Variants in PPP1R1C observed in about 807,000 individuals in gnomAD.
The protein encoded by PPP1R1C is protein phosphatase 1 regulatory inhibitor subunit 1C, also known as protein phosphatase 1 regulatory subunit 1C.
PPP1R1C carries 15 observed loss-of-function variants against 17.4 expected under a neutral mutation model. The observed-to-expected ratio is 0.86, with a 90% CI of 0.58 to 1.33. PPP1R1C has a LOEUF of 1.33. Among genes scored for constraint, PPP1R1C ranks in the 40% most tolerant of loss-of-function variants. The pLI is 0.00. For synonymous variants in PPP1R1C, 35 were observed against 43.1 expected, an observed-to-expected ratio of 0.81 and a Z score of 0.73; for missense variants, 143 against 130.0, an observed-to-expected ratio of 1.10 and a Z score of -0.48.
downstream of PPP1R1C, among the ~76,000 whole-genome samples, chr2:182,119,146 C>A (rs1689664556): frequency 6.7e-6 from 1 of 149,914 alleles, no homozygotes; most frequent in East Asian, 2.0e-4. Context: ...TGAGTGGGAA[C>A]ATGTGGTGTT....
At chr2:181,960,494 G>A (rs1159642334) in intron 1 of PPP1R1C, among the ~76,000 whole-genome samples, 1 of 152,158 alleles carries the variant, frequency 6.6e-6, no homozygotes, top group African/African-American at 2.4e-5. Flanking sequence ...ATCCAAACAG[G>A]AAAACTGGAG....
At chr2:182,087,285 G>GA (rs1688655704) in intron 4 of PPP1R1C, among the ~76,000 whole-genome samples, 1 of 152,160 alleles carries the variant, frequency 6.6e-6, no homozygotes, top group Admixed American at 6.5e-5. Flanking sequence ...TGTAGCCTGT[G>GA]ACCTGTCTGA....
chr2:182,077,211 G>A (rs1326440741), intron 4 of PPP1R1C, among the ~76,000 whole-genome samples: 1 of 149,686 alleles, frequency 6.7e-6, no homozygotes, highest in Non-Finnish European at 1.5e-5. Flanking sequence ...TGTAAACATT[G>A]CTACATTAAA....
intron 4 of PPP1R1C, among the ~76,000 whole-genome samples, chr2:182,070,136 C>A (rs1182505941): frequency 6.6e-6 from 1 of 152,130 alleles, no homozygotes; most frequent in Non-Finnish European, 1.5e-5. Flanking sequence ...GCTTACTGGA[C>A]AGGAGGGTAA....
chr2:182,082,724 A>G (rs540632407), intron 4 of PPP1R1C, among the ~76,000 whole-genome samples: 2 of 152,308 alleles, frequency 1.3e-5, no homozygotes, highest in South Asian at 4.2e-4. Flanking sequence ...TTGAAGACCT[A>G]AGTAATATTA....
At position 182,117,312 on chromosome 2, in the gene PPP1R1C, A is replaced by G. The variant is rs1343235833; in HGVS notation, c.*17A>G. The G allele has an allele frequency of 7.9e-6, 12 of 1,510,582 alleles. No homozygotes were observed. Among genetic ancestry groups the G allele is most frequent in the Non-Finnish European group, 1.8e-6 (2 of 1,118,240 alleles). The allele number at this position is 1,510,582 out of a possible 1,614,324, so 93.6% of individuals were successfully genotyped here. On this transcript the variant is annotated 3_prime_UTR_variant, in exon 5 of 5. Transcript: ENST00000682840. ...GACCATTAATTACTGGTCTGCAGCA[A>G]GAAGGCTTCTTGGAAATAACTGAAC...
intron 1 of PPP1R1C, among the ~76,000 whole-genome samples, chr2:181,973,988 T>G (rs1685055383): frequency 6.6e-6 from 1 of 152,138 alleles, no homozygotes; most frequent in Admixed American, 6.5e-5. Context: ...TTTGATGACT[T>G]GTTTTTTCCT....
upstream of PPP1R1C, among the ~76,000 whole-genome samples, chr2:181,982,462 A>G (rs1317841073): frequency 6.6e-6 from 1 of 152,208 alleles, no homozygotes; most frequent in East Asian, 1.9e-4. Flanking sequence ...TGTTATGTTT[A>G]TGTTTAAGAT....
intron 2 of PPP1R1C, among the ~76,000 whole-genome samples, chr2:182,001,939 A>G (rs17456662): frequency 0.023 from 3,487 of 152,274 alleles, 56 homozygotes; most frequent in Non-Finnish European, 0.038. Flanking sequence ...TTGCAGTCAT[A>G]TACGTATAGC....
chr2:182,036,303 G>T (rs1017168771), intron 2 of PPP1R1C, among the ~76,000 whole-genome samples: 4 of 152,068 alleles, frequency 2.6e-5, no homozygotes, highest in Non-Finnish European at 4.4e-5. Flanking sequence ...GTAAATGGAG[G>T]CTGATAATAA....
At chr2:182,024,937 A>T (rs1157432514) in intron 2 of PPP1R1C, among the ~76,000 whole-genome samples, 2 of 151,122 alleles carry the variant, frequency 1.3e-5, no homozygotes, top group Non-Finnish European at 2.9e-5. Context: ...TAAATTAAAA[A>T]ATTAATATAT....
intron 5 of PPP1R1C, among the ~76,000 whole-genome samples, chr2:182,124,986 A>G (rs1476514490): frequency 1.3e-5 from 2 of 152,092 alleles, no homozygotes; most frequent in African/African-American, 4.8e-5. Context: ...AAAGTTTTCA[A>G]AGGGAATGGT....
intron 4 of PPP1R1C, among the ~76,000 whole-genome samples, chr2:182,066,804 G>A (rs927787184): frequency 6.6e-6 from 1 of 152,050 alleles, no homozygotes; most frequent in African/African-American, 2.4e-5. Context: ...ACATTTCTCT[G>A]GTGTTTATAT....
At chr2:182,062,698 A>G (rs1440631536) in intron 3 of PPP1R1C, among the ~76,000 whole-genome samples, 1 of 152,096 alleles carries the variant, frequency 6.6e-6, no homozygotes, top group Non-Finnish European at 1.5e-5. Flanking sequence ...GATACCTTTG[A>G]GGGCAGTTAA....
chr2:181,994,542 A>G (rs911886353), intron 2 of PPP1R1C, among the ~76,000 whole-genome samples: 7 of 152,170 alleles, frequency 4.6e-5, no homozygotes, highest in African/African-American at 1.7e-4. Flanking sequence ...AATTTCTCTT[A>G]TTTAAATAAA....
At chr2:182,129,595 T>C (rs981292982) in exon 6 of PPP1R1C, 1 of 152,154 alleles carries the variant, frequency 6.6e-6, no homozygotes, top group African/African-American at 2.4e-5. Flanking sequence ...GCTTCACCTA[T>C]ATTTCTGTTA....
upstream of PPP1R1C, among the ~76,000 whole-genome samples, chr2:181,982,960 T>C (rs1346448109): frequency 6.6e-6 from 1 of 152,204 alleles, no homozygotes; most frequent in Non-Finnish European, 1.5e-5. Flanking sequence ...AGAGGATTCC[T>C]TTTTCAGTCA....
intron 4 of PPP1R1C, among the ~76,000 whole-genome samples, chr2:182,104,012 A>G (rs1274736073): frequency 6.6e-6 from 1 of 152,206 alleles, no homozygotes; most frequent in South Asian, 2.1e-4. Context: ...GATGGGATTA[A>G]TTAAGTGTGT....
At position 182,020,504 on chromosome 2, in the gene PPP1R1C, C is replaced by G. The variant is rs148331449; in HGVS notation, c.142+32605C>G. Among the ~76,000 whole-genome samples the G allele has an allele frequency of 3.9e-5, 6 of 152,256 alleles. No homozygotes were observed. In the East Asian group the frequency reaches 1.2e-3, roughly 29 times the overall value. ...AGCCTAGAGTAGAATAAGTCGTTCC[C>G]TAGAGGCCCCTCACATTTTGAACAC... On this transcript the variant is annotated intron_variant, in intron 2 of 4. Transcript: ENST00000682840.
Sources: gnomAD v4.1 joint callset for allele counts (sites outside exome capture counted in the v4.1 genomes callset) on GRCh38, gnomAD v4.1.1 for gene constraint, MANE v1.5 for transcripts, NCBI Gene and HGNC (gene_info 2026-07-23, HGNC 2026-07-21) for gene names.